Variants in GRIN2A observed in about 807,000 individuals in gnomAD.
GRIN2A encodes glutamate ionotropic receptor NMDA type subunit 2A.
GRIN2A carries 22 observed loss-of-function variants against 113.4 expected under a neutral mutation model. That is an observed-to-expected ratio of 0.19 (90% confidence interval 0.14 to 0.28). GRIN2A has a LOEUF of 0.28. Ranked by LOEUF, GRIN2A falls within the 10% of genes least tolerant of loss-of-function variation. The pLI is 1.00. For synonymous variants in GRIN2A, 827 were observed against 738.4 expected (o/e 1.12, Z -1.94); for missense variants, 1,502 against 1,887.0 (o/e 0.80, Z 3.78).
intron 2 of GRIN2A, among the ~76,000 whole-genome samples, chr16:9,944,472 C>T (rs1169728684): frequency 1.3e-5 from 2 of 152,172 alleles, no homozygotes; most frequent in Non-Finnish European, 2.9e-5. Flanking sequence ...CATCCATCCT[C>T]CTCCTCCTCA....
At chr16:10,067,524 A>C (rs927613254) in intron 2 of GRIN2A, among the ~76,000 whole-genome samples, 2 of 152,202 alleles carry the variant, frequency 1.3e-5, no homozygotes, top group Non-Finnish European at 2.9e-5. Context: ...CAGAAACACA[A>C]ATGTGTATTG....
At chr16:10,129,313 T>C (rs986738835) in intron 2 of GRIN2A, among the ~76,000 whole-genome samples, 1 of 152,104 alleles carries the variant, frequency 6.6e-6, no homozygotes, top group Non-Finnish European at 1.5e-5. Context: ...TCTTAAGATA[T>C]AGAAATGACT....
chr16:10,180,807 A>G lies in GRIN2A; in HGVS notation c.-18-378T>C. On this transcript the variant is annotated intron_variant, in intron 1 of 12. Coordinates refer to ENST00000330684, the MANE Select transcript of GRIN2A (RefSeq NM_001134407.3). The surrounding 1 kb of genome is among the most constrained non-coding windows in gnomAD (Gnocchi z 7.0). ...TGTACCCCACCAAGCTCCTAGGTGC[A>G]CAGAATAAACCCTCCATCCAACCCC... 2.7e-6 allele frequency: 1 copy of G among 367,828 alleles called. No homozygotes were observed. The highest frequency in any genetic ancestry group is 2.6e-5 in the South Asian group (1 of 38,628). 22.8% of individuals were successfully genotyped at this position (367,828 alleles called of 1,614,324 possible).
rs1356195712 is a variant in GRIN2A, at chr16:9,762,326, C to T, written c.*823G>A. On this transcript the variant is annotated 3_prime_UTR_variant, in exon 13 of 13. Coordinates refer to ENST00000330684, the MANE Select transcript of GRIN2A (RefSeq NM_001134407.3). ...ACTACAATGGCCACTGTGTCACAGA[C>T]AGAAGATCCACACTTAGATCTCGGA... 3 of 226,096 alleles carry T rather than the reference C, an allele frequency of 1.3e-5. No individual in the cohort carries two copies. Among genetic ancestry groups the T allele is most frequent in the South Asian group, 3.7e-4 (2 of 5,450 alleles). The allele number at this position is 226,096 out of a possible 1,614,324, so 14.0% of individuals were successfully genotyped here. A position where few individuals can be genotyped will look rare whatever the true frequency, so the allele number is the denominator to read the frequency against.
At chr16:10,078,495 C>T (rs1349976276) in intron 2 of GRIN2A, among the ~76,000 whole-genome samples, 2 of 150,744 alleles carry the variant, frequency 1.3e-5, no homozygotes, top group African/African-American at 2.4e-5. Context: ...AGGGGGGAGG[C>T]AAATTGAGAT....
intron 5 of GRIN2A, 146 bp from the exon 6 acceptor site, chr16:9,841,250 A>G: frequency 2.8e-6 from 2 of 723,044 alleles, no homozygotes; most frequent in East Asian, 5.3e-5. Context: ...CTGTGAGTAC[A>G]TGACAGCAAA....
intron 2 of GRIN2A, among the ~76,000 whole-genome samples, chr16:10,027,973 C>T (rs1432898886): frequency 6.6e-6 from 1 of 152,198 alleles, no homozygotes; most frequent in African/African-American, 2.4e-5. Context: ...CCTACATCCA[C>T]CTGGCTTCTC....
At chr16:9,798,615 T>C in intron 10 of GRIN2A, 151 bp from the exon 11 acceptor site, 1 of 622,364 alleles carries the variant, frequency 1.6e-6, no homozygotes, top group African/African-American at 1.8e-5. Context: ...CATAAAAGGA[T>C]CTATTTTTAA....
intron 10 of GRIN2A, among the ~76,000 whole-genome samples, chr16:9,819,448 G>A (rs2141287985): frequency 6.6e-6 from 1 of 151,794 alleles, no homozygotes; most frequent in African/African-American, 2.4e-5. Context: ...CTGAGCCCAG[G>A]GAAGTCCAGG....
intron 2 of GRIN2A, among the ~76,000 whole-genome samples, chr16:10,091,795 T>C (rs1390141006): frequency 3.9e-5 from 6 of 152,152 alleles, no homozygotes; most frequent in Non-Finnish European, 1.5e-5. Context: ...ATGATTCCAT[T>C]TACATTAAAT....
chr16:10,045,437 G>A (rs1469624146), intron 2 of GRIN2A, among the ~76,000 whole-genome samples: 1 of 151,346 alleles, frequency 6.6e-6, no homozygotes, highest in African/African-American at 2.4e-5. Flanking sequence ...ACTGGCTCCC[G>A]AATGTTCTGC....
At chr16:9,936,807 G>C (rs1170084803) in intron 3 of GRIN2A, among the ~76,000 whole-genome samples, 1 of 152,188 alleles carries the variant, frequency 6.6e-6, no homozygotes. Flanking sequence ...ACAGAGACCA[G>C]GAGCACTAGT....
chr16:10,175,865 G>C (rs544078313), intron 2 of GRIN2A, among the ~76,000 whole-genome samples: 1 of 152,124 alleles, frequency 6.6e-6, no homozygotes, highest in Non-Finnish European at 1.5e-5. Context: ...CCATATTCTG[G>C]GCTTACCAGG....
chr16:10,151,184 G>A (rs2049561610), intron 2 of GRIN2A, among the ~76,000 whole-genome samples: 1 of 152,220 alleles, frequency 6.6e-6, no homozygotes, highest in Admixed American at 6.5e-5. Flanking sequence ...ATCGAGAGCT[G>A]AGATGCAACA....
intron 10 of GRIN2A, among the ~76,000 whole-genome samples, chr16:9,804,937 C>T (rs574630302): frequency 2.0e-4 from 31 of 152,338 alleles, no homozygotes; most frequent in African/African-American, 6.3e-4. Flanking sequence ...AAGGTAAGGA[C>T]GGATGTCACA....
chr16:9,988,276 T>TGTGC (rs2046021588), intron 2 of GRIN2A, among the ~76,000 whole-genome samples: 2 of 138,982 alleles, frequency 1.4e-5, no homozygotes, highest in African/African-American at 5.4e-5. Context: ...GGGGTGTGTG[T>TGTGC]GTGTGTGCGT....
intron 2 of GRIN2A, among the ~76,000 whole-genome samples, chr16:9,965,868 T>C (rs964751599): frequency 1.3e-5 from 2 of 152,348 alleles, no homozygotes; most frequent in African/African-American, 2.4e-5. Flanking sequence ...CTTTGTGCTA[T>C]AGCAGCAGAA....
chr16:9,964,601 C>G (rs2045513951), intron 2 of GRIN2A, among the ~76,000 whole-genome samples: 1 of 152,206 alleles, frequency 6.6e-6, no homozygotes, highest in African/African-American at 2.4e-5. Context: ...ACTTCCTTGA[C>G]TTTTCCACCT....
In GRIN2A at chr16:9,798,602, C is replaced by T. The variant is rs115396215; in HGVS notation, c.2169-138G>A. 2.3e-3 allele frequency: 1,497 copies of T among 637,948 alleles called. 17 individuals are homozygous for T. The African/African-American group carries it at 0.024, about 10-fold the overall frequency. The allele number at this position is 637,948 out of a possible 1,614,324, so 39.5% of individuals were successfully genotyped here. On this transcript the variant is annotated intron_variant, in intron 10 of 12. Transcript: ENST00000330684. ...ATGACTCATGGCCTCTCCATCCCCT[C>T]ATCATAAAAGGATCTATTTTTAATG... is the stretch of plus-strand genomic sequence containing the variant.
Sources: allele counts gnomAD v4.1 joint callset (sites outside exome capture counted in the v4.1 genomes callset), GRCh38; gene constraint gnomAD v4.1.1; non-coding constraint Gnocchi (gnomAD v3.1); transcripts MANE v1.5; gene names NCBI Gene and HGNC (gene_info 2026-07-23, HGNC 2026-07-21).